Variants in BCKDHB observed in about 807,000 individuals in gnomAD.
BCKDHB encodes the protein branched chain keto acid dehydrogenase E1 subunit beta, also known as 2-oxoisovalerate dehydrogenase subunit beta, mitochondrial.
A neutral mutation model predicts 48.5 loss-of-function variants in BCKDHB; 41 were observed. The observed-to-expected ratio is 0.85, with a 90% CI of 0.66 to 1.10. The LOEUF is 1.10. BCKDHB is among the 50% of genes least tolerant of loss of function. The pLI, the probability that BCKDHB is intolerant of heterozygous loss-of-function variation, is 0.00. For missense variants in BCKDHB, 496 were observed against 494.2 expected, an observed-to-expected ratio of 1.00 and a Z score of -0.03; for synonymous variants, 201 against 174.8, an observed-to-expected ratio of 1.15 and a Z score of -1.18.
intron 8 of BCKDHB, among the ~76,000 whole-genome samples, chr6:80,211,825 C>CG (rs1285153009): frequency 1.3e-5 from 2 of 152,114 alleles, no homozygotes; most frequent in Non-Finnish European, 2.9e-5. Flanking sequence ...GCTGGGCCAC[C>CG]GGGGGTGACA....
At chr6:80,160,344 G>C (rs187181296) in intron 3 of BCKDHB, among the ~76,000 whole-genome samples, 17 of 152,224 alleles carry the variant, frequency 1.1e-4, no homozygotes, top group Admixed American at 9.2e-4. Flanking sequence ...TTTTAGTAGA[G>C]ATGGGGTTTT....
At chr6:80,198,280 A>G (rs193164708) in intron 6 of BCKDHB, among the ~76,000 whole-genome samples, 1 of 152,334 alleles carries the variant, frequency 6.6e-6, no homozygotes, top group Admixed American at 6.5e-5. Flanking sequence ...TCATTTAGAC[A>G]GTGGAAGTAT....
At chr6:80,274,035 T>C (rs1777865593) in intron 9 of BCKDHB, among the ~76,000 whole-genome samples, 1 of 152,066 alleles carries the variant, frequency 6.6e-6, no homozygotes, top group Non-Finnish European at 1.5e-5. Context: ...GAAGATGCTT[T>C]AATTGTTAAA....
chr6:80,258,232 A>G (rs1777141094), intron 8 of BCKDHB, among the ~76,000 whole-genome samples: 2 of 152,120 alleles, frequency 1.3e-5, no homozygotes, highest in Non-Finnish European at 1.5e-5. Flanking sequence ...AAAAGTTCAG[A>G]AGCATTCAAA....
chr6:80,451,733 G>GA, the BCKDHB span, among the ~76,000 whole-genome samples: 379 of 109,360 alleles, frequency 3.5e-3, no homozygotes, highest in African/African-American at 6.8e-3. Flanking sequence ...TGTCTCAAAA[G>GA]AAAAAAAAAA....
At position 80,200,954 on chromosome 6, in the gene BCKDHB, C is replaced by G. The variant is rs1774363373; in HGVS notation, c.763C>G (p.Pro255Ala). The G allele has an allele frequency of 6.2e-7, 1 of 1,611,176 alleles. No individual in the cohort carries two copies. Among genetic ancestry groups the G allele is most frequent in the African/African-American group, 1.3e-5 (1 of 74,610 alleles). Residue 255 changes from proline to alanine, a missense_variant, in exon 7 of 10, where the codon CCA becomes GCA. Transcript: ENST00000320393. ...TTTAGCGGAAGAAGTCCCTATAGAA[C>G]CATACAACATCCCACTGTCCCAGGC... Reference protein sequence around the residue: ...RAAAEEVPIEPYNIPLSQAEV... With the variant: ...RAAAEEVPIEAYNIPLSQAEV...
chr6:80,403,693 G>A, the BCKDHB span, among the ~76,000 whole-genome samples: 1 of 151,670 alleles, frequency 6.6e-6, no homozygotes, highest in Non-Finnish European at 1.5e-5. Context: ...TTCACCTTTG[G>A]GTATAATGTT....
chr6:80,440,359 GCA>G, the BCKDHB span, among the ~76,000 whole-genome samples: 1 of 152,166 alleles, frequency 6.6e-6, no homozygotes, highest in East Asian at 1.9e-4. Context: ...GCTTCCTTAA[GCA>G]CAGTCATAAA....
the BCKDHB span, among the ~76,000 whole-genome samples, chr6:80,418,364 T>C: frequency 1.7e-4 from 26 of 152,380 alleles, no homozygotes; most frequent in African/African-American, 5.8e-4. Flanking sequence ...GAAGGCACTC[T>C]GGCTTTTTGA....
chr6:80,375,045 A>G, the BCKDHB span, among the ~76,000 whole-genome samples: 2 of 152,168 alleles, frequency 1.3e-5, no homozygotes, highest in Non-Finnish European at 2.9e-5. Context: ...GTTTCCCTTT[A>G]TAAGTTACCT....
intron 9 of BCKDHB, among the ~76,000 whole-genome samples, chr6:80,274,449 C>T (rs1045860663): frequency 3.9e-5 from 6 of 151,934 alleles, no homozygotes; most frequent in African/African-American, 1.4e-4. Flanking sequence ...GTATTTTATA[C>T]ATTGAGTAGC....
chr6:80,316,056 TG>T (rs1244389836), intron 9 of BCKDHB, among the ~76,000 whole-genome samples: 1 of 152,230 alleles, frequency 6.6e-6, no homozygotes, highest in African/African-American at 2.4e-5. Flanking sequence ...TCAGGCAAGT[TG>T]TTGGACTAGG....
At position 80,136,752 on chromosome 6, in the gene BCKDHB, CA is replaced by C. The variant is rs200577593; in HGVS notation, c.343+7531del. Among the ~76,000 whole-genome samples the C allele has an allele frequency of 2.4e-3, 362 of 151,440 alleles. 2 individuals carry two copies. Among genetic ancestry groups the C allele is most frequent in the Non-Finnish European group, 3.5e-3 (235 of 67,812 alleles). On this transcript the variant is annotated intron_variant, in intron 3 of 9. Transcript: ENST00000320393. ...TATATGGAGAACTTCTAAAACTCTA[CA>C]AAAAAAACCCCAATCAATTAAAAAA... is the stretch of plus-strand genomic sequence containing the variant.
intron 9 of BCKDHB, among the ~76,000 whole-genome samples, chr6:80,292,518 G>A (rs1316641241): frequency 6.6e-6 from 1 of 152,042 alleles, no homozygotes; most frequent in Non-Finnish European, 1.5e-5. Context: ...CTCCCACCGG[G>A]TCCCTCCCAT....
chr6:80,366,161 C>T, the BCKDHB span, among the ~76,000 whole-genome samples: 2 of 152,202 alleles, frequency 1.3e-5, no homozygotes, highest in African/African-American at 4.8e-5. Flanking sequence ...GAGCTCTACT[C>T]ATTAGCTGCT....
the BCKDHB span, among the ~76,000 whole-genome samples, chr6:80,376,742 G>A: frequency 2.0e-5 from 3 of 152,298 alleles, no homozygotes; most frequent in African/African-American, 7.2e-5. Context: ...CAATAATGAA[G>A]AGTTGGAGTG....
the BCKDHB span, among the ~76,000 whole-genome samples, chr6:80,444,156 A>G: frequency 3.3e-5 from 5 of 152,058 alleles, no homozygotes; most frequent in Admixed American, 3.3e-4. Flanking sequence ...GAGGAAAATG[A>G]TTTCAGGAAG....
rs139739739 is a variant in BCKDHB at position 80,141,615 on chromosome 6, G to A, written c.343+12386G>A. Among the ~76,000 whole-genome samples, 264 of 152,180 alleles carry A rather than the reference G, an allele frequency of 1.7e-3. 1 individual carries two copies. The highest frequency in any genetic ancestry group is 6.0e-3 in the African/African-American group (249 of 41,556). ...GGCATGCTTTTAAAAATGTTCAAAT[G>A]TGAGCACCAATAGGGGCTTGGAAGA... On this transcript the variant is annotated intron_variant, in intron 3 of 9. Transcript: ENST00000320393.
At chr6:80,333,427 G>GT (rs1316917395) in intron 9 of BCKDHB, among the ~76,000 whole-genome samples, 7 of 152,172 alleles carry the variant, frequency 4.6e-5, no homozygotes, top group Middle Eastern at 3.4e-3. Context: ...AAATAGCTGG[G>GT]TTTTTTTGTT....
Sources: gnomAD v4.1 joint callset for allele counts (sites outside exome capture counted in the v4.1 genomes callset) on GRCh38, gnomAD v4.1.1 for gene constraint, MANE v1.5 for transcripts, NCBI Gene and HGNC (gene_info 2026-07-23, HGNC 2026-07-21) for gene names.